The following BRPF3 variants were observed in gnomAD, a reference collection of about 807,000 sequenced individuals.
The protein encoded by BRPF3 is bromodomain and PHD finger-containing protein 3.
A neutral mutation model predicts 102.0 loss-of-function variants in BRPF3; 18 were observed. The ratio of observed to expected loss-of-function variants is 0.18; its 90% CI spans 0.12 to 0.26. The LOEUF (loss-of-function observed/expected upper bound fraction) is 0.26, where lower values mean the gene tolerates loss of function less well. Ranked by LOEUF, BRPF3 falls within the 10% of genes least tolerant of loss-of-function variation. The pLI is 1.00. For missense variants in BRPF3, 1,147 were observed against 1,567.8 expected (o/e 0.73, Z 4.53); for synonymous variants, 570 against 614.2 (o/e 0.93, Z 1.06).
At chr6:36,207,465 C>T (rs200171341) in intron 4 of BRPF3, 21 bp downstream of exon 4, 95 of 1,612,662 alleles carry the variant, frequency 5.9e-5, no homozygotes, top group Non-Finnish European at 8.0e-5. Flanking sequence ...GCCCCCAGCC[C>T]TAGGGCCCTA....
rs780398656 is a variant in BRPF3, at chr6:36,213,894, C to G, written c.2497C>G (p.Pro833Ala). The change falls in exon 8 of 13, where the codon CCT (proline) becomes GCT (alanine). Residue 833 changes from proline (P) to alanine (A), a missense_variant. Pro to Ala is a conservative substitution (Grantham distance 27). Around this residue, in one of 11 missense-constraint regions of BRPF3, gnomAD observed 379 missense variants for 426.3 expected, o/e 0.89. Transcript: ENST00000357641. Reference sequence around the variant, plus strand: ...TTTTCTAATAGATGACTCCAAACTGCCTCCTCCGCCAACCCTGGAGCCCAC... The same window carrying G: ...TTTTCTAATAGATGACTCCAAACTGGCTCCTCCGCCAACCCTGGAGCCCAC... ...DDGDRDDSKL[P>A]PPPTLEPTGP... The G allele has an allele frequency of 6.2e-7, 1 of 1,600,478 alleles. No homozygotes were observed. The highest frequency in any genetic ancestry group is 1.7e-5 in the Admixed American group (1 of 57,638).
At chr6:36,198,940 T>C (rs184219453) in intron 1 of BRPF3, among the ~76,000 whole-genome samples, 2 of 152,332 alleles carry the variant, frequency 1.3e-5, no homozygotes, top group African/African-American at 4.8e-5. Context: ...ACAGAATGCA[T>C]TGAGAGTTTA....
At chr6:36,204,511 G>A in intron 2 of BRPF3, 147 bp from the exon 3 acceptor site, 1 of 839,582 alleles carries the variant, frequency 1.2e-6, no homozygotes, top group Non-Finnish European at 2.0e-6. Flanking sequence ...TCCTTTTCAA[G>A]CCTTTCTCTG....
In BRPF3 at chr6:36,200,639, A is replaced by G. The variant is rs1282535130; in HGVS notation, c.317A>G (p.His106Arg). 7 of 1,614,098 alleles carry G rather than the reference A, an allele frequency of 4.3e-6. No individual in the cohort carries two copies. Among genetic ancestry groups the G allele is most frequent in the Non-Finnish European group, 5.9e-6 (7 of 1,180,030 alleles). Residue 106 changes from histidine (H) to arginine (R), a missense_variant, in exon 2 of 13, where the codon CAT (histidine) becomes CGT (arginine). By Grantham distance (29) the His-to-Arg change is conservative (BLOSUM62 0). Coordinates refer to ENST00000357641, the MANE Select transcript of BRPF3 (RefSeq NM_015695.3). This position sits in a 1 kb window ranked among gnomAD's most constrained non-coding sequence, Gnocchi z 5.3. ...KGKKKESCSKHASGTSFHLPQ... is the reference protein window; with the variant it reads ...KGKKKESCSKRASGTSFHLPQ... Reference sequence around the variant, plus strand: ...AAAAAGAAGGAATCCTGCTCCAAGCATGCATCTGGTACTTCCTTCCACCTC... The same window carrying G: ...AAAAAGAAGGAATCCTGCTCCAAGCGTGCATCTGGTACTTCCTTCCACCTC...
At position 36,230,711 on chromosome 6, in the gene BRPF3, C is replaced by G; in HGVS notation, c.*102C>G. On this transcript the variant is annotated 3_prime_UTR_variant, in exon 13 of 13. Transcript: ENST00000357641. The surrounding 1 kb of genome is among the most constrained non-coding windows in gnomAD (Gnocchi z 5.4). ...GATGTATGGCCGGCAGCTTCCCCCT[C>G]TCATGGTAGGCCAGGGACTGGGCTT... 1 of 1,384,640 alleles carries G rather than the reference C, an allele frequency of 7.2e-7. No individual in the cohort carries two copies. Among genetic ancestry groups the G allele is most frequent in the Non-Finnish European group, 9.8e-7 (1 of 1,023,854 alleles). The allele number at this position is 1,384,640 out of a possible 1,614,324, so 85.8% of individuals were successfully genotyped here. A position where few individuals can be genotyped will look rare whatever the true frequency, so the allele number is the denominator to read the frequency against.
chr6:36,205,360 C>A (rs984596962), intron 3 of BRPF3, among the ~76,000 whole-genome samples: 1 of 152,176 alleles, frequency 6.6e-6, no homozygotes, highest in African/African-American at 2.4e-5. Context: ...TTTACCTGTT[C>A]TATTCTTTCT....
chr6:36,217,127 G>A (rs1374170294), intron 8 of BRPF3, among the ~76,000 whole-genome samples: 1 of 152,156 alleles, frequency 6.6e-6, no homozygotes, highest in African/African-American at 2.4e-5. Flanking sequence ...GCCTTCATTC[G>A]CCTCTGAAGG....
At chr6:36,226,471 A>G (rs1037738776) in intron 11 of BRPF3, among the ~76,000 whole-genome samples, 1 of 152,188 alleles carries the variant, frequency 6.6e-6, no homozygotes, top group Admixed American at 6.5e-5. Context: ...AATTTTTAAA[A>G]CAATACCCAT....
chr6:36,211,575 C>G lies in BRPF3; in HGVS notation c.2482+15C>G. 1.3e-6 allele frequency: 2 copies of G among 1,548,060 alleles called. No homozygotes were observed. Among genetic ancestry groups the G allele is most frequent in the Non-Finnish European group, 8.7e-7 (1 of 1,143,864 alleles). On this transcript the variant is annotated intron_variant, in intron 7 of 12. Transcript: ENST00000357641. ...TGGGGACAGAGGTGAGAGATAGTCA[C>G]AGGCAGGCAGGGGGTTGGAGGGTAA...
At chr6:36,204,388 A>G (rs1767830725) in intron 2 of BRPF3, 2 of 475,260 alleles carry the variant, frequency 4.2e-6, no homozygotes, top group Non-Finnish European at 7.7e-6. Flanking sequence ...GTCCAGGACC[A>G]TAGGAAACGG....
chr6:36,201,179 A>T lies in BRPF3; in HGVS notation c.857A>T (p.His286Leu), dbSNP rs756325416. Residue 286 changes from histidine (H) to leucine (L), a missense_variant, in exon 2 of 13, where the codon CAC (histidine) becomes CTC (leucine). Transcript: ENST00000357641. The surrounding 1 kb of genome is among the most constrained non-coding windows in gnomAD (Gnocchi z 5.1). ...GGAFKQTSDGHWAHVVCAIWI... is the reference protein window; with the variant it reads ...GGAFKQTSDGLWAHVVCAIWI... ...GCCTTCAAACAGACCAGTGATGGGCACTGGGCCCATGTGGTGTGTGCCATC... is the reference window on the plus strand; with the variant it reads ...GCCTTCAAACAGACCAGTGATGGGCTCTGGGCCCATGTGGTGTGTGCCATC... 1 of 1,614,174 alleles carries T rather than the reference A, an allele frequency of 6.2e-7. No homozygotes were observed. Among genetic ancestry groups the T allele is most frequent in the South Asian group, 1.1e-5 (1 of 91,084 alleles).
At chr6:36,199,147 G>C (rs1011498851) in intron 1 of BRPF3, among the ~76,000 whole-genome samples, 8 of 152,170 alleles carry the variant, frequency 5.3e-5, no homozygotes, top group Admixed American at 3.3e-4. Context: ...TAAGAACCAG[G>C]CCATACAGCA....
At chr6:36,227,954 T>C (rs1768800772) in intron 11 of BRPF3, among the ~76,000 whole-genome samples, 2 of 152,208 alleles carry the variant, frequency 1.3e-5, no homozygotes, top group African/African-American at 4.8e-5. Context: ...GTAAGATTGC[T>C]CTGTCTCTGG....
Position 36,208,294 on chromosome 6 carries a change from C to G in BRPF3, c.1737+850C>G, listed in dbSNP as rs1055107190. ...AAAAGCCAAAACTGTTCTCTCTGGT[C>G]TAGGAATAGCAGCTGTCACTCACAT... On this transcript the variant is annotated intron_variant, in intron 4 of 12. Transcript: ENST00000357641. Among the ~76,000 whole-genome samples the G allele has an allele frequency of 2.6e-5, 4 of 152,102 alleles. No individual in the cohort carries two copies. The South Asian group carries it at 6.2e-4, about 24-fold the overall frequency.
rs572446431 is a variant in BRPF3 at position 36,214,102 on chromosome 6, A to G, written c.2705A>G (p.Asn902Ser). The change falls in exon 8 of 13, where the codon AAT becomes AGT. Residue 902 changes from asparagine (N) to serine (S), a missense_variant. This residue lies in a region of BRPF3 where 379 missense variants were observed against 426.3 expected (regional missense o/e 0.89). Transcript: ENST00000357641. ...NEPLQRLLSD[N>S]GINRLSLMAP... ...CCTTTGCAACGCTTGCTCAGTGACA[A>G]TGGCATCAACAGACTATCCCTCATG... The G allele has an allele frequency of 2.7e-5, 44 of 1,614,204 alleles. No homozygotes were observed. Among genetic ancestry groups the G allele is most frequent in the Non-Finnish European group, 3.6e-5 (42 of 1,180,036 alleles).
intron 3 of BRPF3, among the ~76,000 whole-genome samples, chr6:36,206,891 C>T (rs1767924525): frequency 2.0e-5 from 3 of 152,254 alleles, no homozygotes; most frequent in South Asian, 4.1e-4. Flanking sequence ...GGGCAGGAAT[C>T]GTGATTTGTT....
Position 36,210,545 on chromosome 6 carries a change from G to T in BRPF3, c.2179+17G>T. 1.3e-6 allele frequency: 2 copies of T among 1,567,690 alleles called. No individual in the cohort carries two copies. The highest frequency in any genetic ancestry group is 1.7e-6 in the Non-Finnish European group (2 of 1,163,698). ...GGGAAGACGGTGAGAGGCCTGGATG[G>T]GTGGGGAGGAGAGGGGCCAGGAGGA... On this transcript the variant is annotated intron_variant, in intron 6 of 12. Coordinates refer to ENST00000357641, the MANE Select transcript of BRPF3 (RefSeq NM_015695.3). This position sits in a 1 kb window ranked among gnomAD's most constrained non-coding sequence, Gnocchi z 4.7.
At chr6:36,227,814 ACTC>A (rs1008803157) in intron 11 of BRPF3, among the ~76,000 whole-genome samples, 1 of 152,010 alleles carries the variant, frequency 6.6e-6, no homozygotes, top group Non-Finnish European at 1.5e-5. Context: ...CTTAGAGTAA[ACTC>A]CTAACCAGAA....
chr6:36,217,892 G>C, intron 8 of BRPF3, 25 bp from the exon 9 acceptor site: 7 of 1,608,540 alleles, frequency 4.4e-6, no homozygotes, highest in Non-Finnish European at 6.0e-6. Context: ...TCTGCACTCA[G>C]ACTCACTGTG....
Sources: allele counts gnomAD v4.1 joint callset (sites outside exome capture counted in the v4.1 genomes callset), GRCh38; gene constraint gnomAD v4.1.1; regional missense constraint gnomAD v4.1.1; non-coding constraint Gnocchi (gnomAD v3.1); transcripts MANE v1.5; gene names NCBI Gene and HGNC (gene_info 2026-07-23, HGNC 2026-07-21).